SCP2: variants seen among roughly 807,000 people sequenced by gnomAD.
The protein encoded by SCP2 is SCP-2/3-oxoacyl-CoA thiolase.
SCP2 carries 48 observed loss-of-function variants against 71.4 expected under a neutral mutation model. That is an observed-to-expected ratio of 0.67 (90% CI 0.53 to 0.86). SCP2 has a LOEUF of 0.86. Ranked by LOEUF, SCP2 falls within the 40% of genes least tolerant of loss-of-function variation. The pLI is 0.00. For missense variants in SCP2, 560 were observed against 655.6 expected, an observed-to-expected ratio of 0.85 and a Z score of 1.59; for synonymous variants, 220 against 218.1, an observed-to-expected ratio of 1.01 and a Z score of -0.08.
chr1:52,955,813 C>A (rs1415778096), intron 5 of SCP2, among the ~76,000 whole-genome samples: 4 of 151,380 alleles, frequency 2.6e-5, no homozygotes, highest in Non-Finnish European at 5.9e-5. Context: ...AATTGAGAAC[C>A]GAAAGGAAGA....
intron 14 of SCP2, among the ~76,000 whole-genome samples, chr1:53,044,973 A>G (rs1459204209): frequency 6.6e-6 from 1 of 152,256 alleles, no homozygotes; most frequent in Non-Finnish European, 1.5e-5. Flanking sequence ...GAAACGAAGA[A>G]CTACCCTACC....
chr1:53,041,877 C>T (rs1162742716), intron 14 of SCP2, among the ~76,000 whole-genome samples: 2 of 152,158 alleles, frequency 1.3e-5, no homozygotes, highest in African/African-American at 4.8e-5. Context: ...AAACTTCTTT[C>T]TCTGCAAGGG....
At chr1:52,933,480 G>A (rs1381087025) in intron 1 of SCP2, among the ~76,000 whole-genome samples, 2 of 152,156 alleles carry the variant, frequency 1.3e-5, no homozygotes, top group African/African-American at 4.8e-5. Context: ...ACAAGAGTTT[G>A]TGATAATATT....
intron 5 of SCP2, among the ~76,000 whole-genome samples, chr1:52,960,685 T>C (rs1205522551): frequency 6.7e-6 from 1 of 148,384 alleles, no homozygotes; most frequent in Non-Finnish European, 1.5e-5. Flanking sequence ...TATATATATG[T>C]ATATATGTGT....
At chr1:52,933,329 G>A (rs1453703652) in intron 1 of SCP2, among the ~76,000 whole-genome samples, 1 of 152,160 alleles carries the variant, frequency 6.6e-6, no homozygotes, top group Admixed American at 6.5e-5. Flanking sequence ...GCTCATGCCT[G>A]TAATCTTGGC....
intron 13 of SCP2, among the ~76,000 whole-genome samples, chr1:53,038,651 C>G (rs190205544): frequency 2.0e-5 from 3 of 152,108 alleles, no homozygotes; most frequent in Non-Finnish European, 4.4e-5. Flanking sequence ...GTGATCCCCC[C>G]ACCTCTGCCT....
intron 11 of SCP2, among the ~76,000 whole-genome samples, chr1:53,001,700 A>G (rs192933173): frequency 6.6e-6 from 1 of 152,134 alleles, no homozygotes; most frequent in East Asian, 1.9e-4. Flanking sequence ...TCCTTTCCTC[A>G]CTGGAAACGC....
intron 11 of SCP2, chr1:52,993,367 T>C (rs878879572): frequency 1.3e-5 from 21 of 1,614,218 alleles, no homozygotes; most frequent in Admixed American, 1.2e-4. Context: ...TTACCTTAAG[T>C]TGCCGTGCTA....
chr1:53,002,348 T>A (rs1409946618), intron 11 of SCP2, among the ~76,000 whole-genome samples: 1 of 152,196 alleles, frequency 6.6e-6, no homozygotes, highest in Non-Finnish European at 1.5e-5. Flanking sequence ...TCCTTTAACA[T>A]CTAGAACGTG....
intron 14 of SCP2, among the ~76,000 whole-genome samples, chr1:53,043,471 T>G (rs1663572573): frequency 1.3e-5 from 2 of 152,238 alleles, no homozygotes; most frequent in African/African-American, 4.8e-5. Flanking sequence ...CTGTTGAATG[T>G]TTACATACTT....
Position 53,050,598 on chromosome 1 carries a change from C to G in SCP2, c.1549-11C>G, listed in dbSNP as rs768172039. On this transcript the variant is annotated splice_polypyrimidine_tract_variant and intron_variant, in intron 15 of 15. Coordinates refer to ENST00000371514, the MANE Select transcript of SCP2 (RefSeq NM_002979.5). ...AAACACCAAGTAATGAATTTTCTTT[C>G]TTCTTCACAGGCCTTCTTTCAAGGC... 1 of 1,591,500 alleles carries G rather than the reference C, an allele frequency of 6.3e-7. No homozygotes were observed. Among genetic ancestry groups the G allele is most frequent in the South Asian group, 1.1e-5 (1 of 90,636 alleles).
intron 1 of SCP2, among the ~76,000 whole-genome samples, chr1:52,933,959 A>T (rs1653411762): frequency 6.6e-6 from 1 of 152,254 alleles, no homozygotes; most frequent in African/African-American, 2.4e-5. Flanking sequence ...TTTGTCATGC[A>T]CTTATGCATT....
At chr1:52,945,737 T>A (rs1216085702) in intron 2 of SCP2, among the ~76,000 whole-genome samples, 1 of 143,268 alleles carries the variant, frequency 7.0e-6, no homozygotes, top group East Asian at 1.9e-4. Flanking sequence ...ATGTTTAAGT[T>A]GTGCATAATA....
chr1:53,019,651 A>G (rs1661580279), intron 12 of SCP2, among the ~76,000 whole-genome samples: 1 of 152,180 alleles, frequency 6.6e-6, no homozygotes, highest in Non-Finnish European at 1.5e-5. Context: ...TGTGCTTGTT[A>G]TTATTACTTC....
chr1:52,965,906 G>A (rs529431673), intron 6 of SCP2, among the ~76,000 whole-genome samples: 1 of 151,458 alleles, frequency 6.6e-6, no homozygotes, highest in East Asian at 1.9e-4. Context: ...TCAGCATCCC[G>A]AAGTGCTGGG....
intron 13 of SCP2, among the ~76,000 whole-genome samples, chr1:53,035,193 A>G (rs968301775): frequency 2.0e-5 from 3 of 152,166 alleles, no homozygotes; most frequent in Non-Finnish European, 4.4e-5. Flanking sequence ...AATAAAGAAG[A>G]TAGGAAATAA....
At chr1:52,965,332 T>G (rs1335738004) in intron 6 of SCP2, among the ~76,000 whole-genome samples, 4 of 152,202 alleles carry the variant, frequency 2.6e-5, no homozygotes, top group Admixed American at 1.3e-4. Flanking sequence ...ATAAAAAATC[T>G]TATTGGTATT....
intron 1 of SCP2, among the ~76,000 whole-genome samples, chr1:52,938,617 C>T (rs754638047): frequency 3.3e-4 from 51 of 152,284 alleles, no homozygotes; most frequent in South Asian, 2.7e-3. Flanking sequence ...CAGTCTCTTT[C>T]TCTTTTTAAA....
chr1:52,973,121 G>T (rs1657640044), intron 6 of SCP2, among the ~76,000 whole-genome samples: 1 of 152,206 alleles, frequency 6.6e-6, no homozygotes, highest in Non-Finnish European at 1.5e-5. Flanking sequence ...CAAGACCAGA[G>T]CTGAGGTTAG....
Sources: allele counts gnomAD v4.1 joint callset (sites outside exome capture counted in the v4.1 genomes callset), GRCh38; gene constraint gnomAD v4.1.1; transcripts MANE v1.5; gene names NCBI Gene and HGNC (gene_info 2026-07-23, HGNC 2026-07-21).